Variants in SLC26A7 observed in about 807,000 individuals in gnomAD.
SLC26A7 encodes solute carrier family 26 member 7.
SLC26A7 carries 59 observed loss-of-function variants against 82.5 expected under a neutral mutation model. That is an observed-to-expected ratio of 0.72 (90% CI 0.58 to 0.89). The LOEUF is 0.89. Ranked by LOEUF, SLC26A7 falls within the 40% of genes least tolerant of loss-of-function variation. The pLI is 0.00. For missense variants in SLC26A7, 820 were observed against 793.0 expected (o/e 1.03, Z -0.41); for synonymous variants, 271 against 274.3 (o/e 0.99, Z 0.12).
At chr8:91,213,154 T>C (rs1325746492) in intron 1 of SLC26A7, among the ~76,000 whole-genome samples, 2 of 152,174 alleles carry the variant, frequency 1.3e-5, no homozygotes, top group Non-Finnish European at 2.9e-5. Context: ...CAGGGGGTGC[T>C]GTGGGAGAGC....
At chr8:91,373,867 G>T (rs1814433847) in intron 15 of SLC26A7, among the ~76,000 whole-genome samples, 1 of 151,700 alleles carries the variant, frequency 6.6e-6, no homozygotes, top group South Asian at 2.1e-4. Context: ...ACTTCTTTTT[G>T]GTTGGTAGTT....
intron 5 of SLC26A7, among the ~76,000 whole-genome samples, chr8:91,330,340 A>T (rs1425822233): frequency 6.6e-6 from 1 of 152,118 alleles, no homozygotes; most frequent in East Asian, 1.9e-4. Flanking sequence ...GGTGCATTTG[A>T]TCCTTGGGCC....
intron 12 of SLC26A7, 97 bp from the exon 13 acceptor site, chr8:91,363,375 C>A: frequency 1.5e-6 from 1 of 656,944 alleles, no homozygotes; most frequent in Non-Finnish European, 2.6e-6. Flanking sequence ...TCATCTCAGA[C>A]ACATTCTAGT....
chr8:91,257,593 C>G (rs1471847127), intron 2 of SLC26A7, among the ~76,000 whole-genome samples: 2 of 151,992 alleles, frequency 1.3e-5, no homozygotes, highest in Non-Finnish European at 2.9e-5. Context: ...ATAGTTTCTT[C>G]TCATTTAACA....
intron 2 of SLC26A7, among the ~76,000 whole-genome samples, chr8:91,229,060 A>G (rs779481446): frequency 6.6e-6 from 1 of 152,216 alleles, no homozygotes; most frequent in Non-Finnish European, 1.5e-5. Flanking sequence ...CCTTAGCACA[A>G]TGACCAGAAA....
At chr8:91,362,746 CAGAG>C (rs1006581723) in intron 12 of SLC26A7, among the ~76,000 whole-genome samples, 36 of 152,118 alleles carry the variant, frequency 2.4e-4, no homozygotes, top group African/African-American at 8.2e-4. Flanking sequence ...TATACTGCAT[CAGAG>C]AGAGATTTCT....
At chr8:91,225,989 C>T (rs188551897) in intron 2 of SLC26A7, among the ~76,000 whole-genome samples, 1 of 152,232 alleles carries the variant, frequency 6.6e-6, no homozygotes, top group African/African-American at 2.4e-5. Flanking sequence ...TCCCTGAGGT[C>T]CATTCCTTTT....
rs981326413 is a variant in SLC26A7 at position 91,395,832 on chromosome 8, A to G, written c.*735A>G. On this transcript the variant is annotated 3_prime_UTR_variant, in exon 19 of 19. Transcript: ENST00000276609. ...CAATAGCTCTAATTTTAACATTTCT[A>G]CCCAATAAGAGGCTCTGTTTTCCAC... 5 of 152,048 alleles carry G rather than the reference A, an allele frequency of 3.3e-5. No individual in the cohort carries two copies. The highest frequency in any genetic ancestry group is 7.4e-5 in the Non-Finnish European group (5 of 67,920). The allele number at this position is 152,048 out of a possible 1,614,324, so 9.4% of individuals were successfully genotyped here.
intron 5 of SLC26A7, among the ~76,000 whole-genome samples, chr8:91,324,058 G>A (rs968398): frequency 0.22 from 32,894 of 151,800 alleles, 4,826 homozygotes; most frequent in African/African-American, 0.41. Flanking sequence ...AACTCCTGTC[G>A]TCATGTGATC....
Position 91,389,382 on chromosome 8 carries a change from C to T in SLC26A7, c.1720C>T (p.Leu574=). Residue 574 remains leucine, a synonymous_variant, in exon 16 of 19, where the codon CTG becomes TTG. Coordinates refer to ENST00000276609, the MANE Select transcript of SLC26A7 (RefSeq NM_052832.4). The part of the protein sequence containing the change: ...SCPNEKCYLI[L]DCSGFTFFDY... ...CCCTAATGAGAAGTGTTATTTAATC[C>T]TGGATTGCAGTGGATTTACCTTTTT... is the stretch of plus-strand genomic sequence containing the variant. 1 of 1,614,046 alleles carries T rather than the reference C, an allele frequency of 6.2e-7. No individual in the cohort carries two copies. The highest frequency in any genetic ancestry group is 8.5e-7 in the Non-Finnish European group (1 of 1,179,962).
chr8:91,224,158 C>T (rs552627041), intron 2 of SLC26A7, among the ~76,000 whole-genome samples: 1 of 151,982 alleles, frequency 6.6e-6, no homozygotes, highest in South Asian at 2.1e-4. Context: ...TTTTATTACC[C>T]ATCTTCTGAA....
At chr8:91,216,257 A>G (rs1471953601) in intron 1 of SLC26A7, among the ~76,000 whole-genome samples, 1 of 152,176 alleles carries the variant, frequency 6.6e-6, no homozygotes, top group Non-Finnish European at 1.5e-5. Context: ...AAAGAGGGAC[A>G]CAGACACTTT....
chr8:91,354,913 A>T (rs538547395), intron 11 of SLC26A7, among the ~76,000 whole-genome samples: 25 of 151,678 alleles, frequency 1.6e-4, no homozygotes, highest in East Asian at 9.7e-4. Context: ...CTTTTTTTTT[A>T]AAAAAAGGAT....
intron 5 of SLC26A7, among the ~76,000 whole-genome samples, chr8:91,323,241 T>C (rs1812840206): frequency 6.6e-6 from 1 of 152,188 alleles, no homozygotes; most frequent in Admixed American, 6.5e-5. Context: ...AGAATGTTCA[T>C]CTGTAACTTG....
intron 9 of SLC26A7, among the ~76,000 whole-genome samples, chr8:91,346,432 G>T (rs1813566310): frequency 6.6e-6 from 1 of 152,062 alleles, no homozygotes; most frequent in Non-Finnish European, 1.5e-5. Context: ...TATGTGACAT[G>T]ACTTCACAAA....
intron 4 of SLC26A7, among the ~76,000 whole-genome samples, chr8:91,312,599 T>C (rs773430929): frequency 4.0e-5 from 6 of 151,670 alleles, no homozygotes; most frequent in Non-Finnish European, 8.8e-5. Flanking sequence ...TTCCTACATA[T>C]GCTTGCCAAA....
At position 91,369,825 on chromosome 8, in the gene SLC26A7, A is replaced by G; in HGVS notation, c.1667A>G (p.Asn556Ser). The G allele has an allele frequency of 3.1e-6, 5 of 1,604,284 alleles. No individual in the cohort carries two copies. The highest frequency in any genetic ancestry group is 4.3e-6 in the Non-Finnish European group (5 of 1,175,206). Residue 556 changes from asparagine (N) to serine (S), a missense_variant, in exon 15 of 19, where the codon AAC becomes AGC. Transcript: ENST00000276609. ...TTGCTTAATTCCCTATCCAATGGCA[A>G]CTGCAATGGTGAGTTAGCTTTAAGG... ...NTLLNSLSNG[N>S]CNEEASQSCP...
chr8:91,300,827 G>A (rs908866936), intron 4 of SLC26A7, among the ~76,000 whole-genome samples: 69 of 152,140 alleles, frequency 4.5e-4, no homozygotes, highest in African/African-American at 1.6e-3. Flanking sequence ...CCTTTCATGA[G>A]CTTACTTATA....
At chr8:91,272,560 T>C (rs1811300610) in intron 2 of SLC26A7, among the ~76,000 whole-genome samples, 1 of 152,184 alleles carries the variant, frequency 6.6e-6, no homozygotes, top group Non-Finnish European at 1.5e-5. Context: ...TCTTGAAGGC[T>C]ACATAAAAGT....
Sources: gnomAD v4.1 joint callset for allele counts (sites outside exome capture counted in the v4.1 genomes callset) on GRCh38, gnomAD v4.1.1 for gene constraint, MANE v1.5 for transcripts, NCBI Gene and HGNC (gene_info 2026-07-23, HGNC 2026-07-21) for gene names.